The following APC variants were observed in gnomAD, a reference collection of about 807,000 sequenced individuals.
APC encodes the protein APC regulator of Wnt signaling pathway.
APC carries 72 observed loss-of-function variants against 247.0 expected under a neutral mutation model. The ratio of observed to expected loss-of-function variants is 0.29; its 90% CI spans 0.24 to 0.35. APC has a LOEUF of 0.35. Ranked by LOEUF, APC falls within the 10% of genes least tolerant of loss-of-function variation. The pLI, the probability that APC is intolerant of heterozygous loss-of-function variation, is 1.00. For synonymous variants in APC, 1,254 were observed against 1,162.5 expected (o/e 1.08, Z -1.60); for missense variants, 3,400 against 3,360.7 (o/e 1.01, Z -0.29).
intron 11 of APC, chr5:112,823,343 T>C (rs1166421045): frequency 6.6e-6 from 1 of 152,650 alleles, no homozygotes; most frequent in Non-Finnish European, 1.5e-5. Context: ...TCACAGGAGC[T>C]AGGGCAGGGG....
At chr5:112,826,058 A>G (rs1359846262) in intron 11 of APC, among the ~76,000 whole-genome samples, 1 of 152,212 alleles carries the variant, frequency 6.6e-6, no homozygotes, top group African/African-American at 2.4e-5. Context: ...CCTACATTTA[A>G]ATCCCTTGGC....
intron 7 of APC, among the ~76,000 whole-genome samples, chr5:112,793,360 T>C (rs957254500): frequency 6.6e-5 from 10 of 152,144 alleles, no homozygotes; most frequent in African/African-American, 1.9e-4. Context: ...TCCAGGCTTA[T>C]AATCTCCAGG....
chr5:112,769,194 G>A (rs1254918762), intron 4 of APC, among the ~76,000 whole-genome samples: 1 of 151,182 alleles, frequency 6.6e-6, no homozygotes, highest in Non-Finnish European at 1.5e-5. Context: ...GGGATTACAG[G>A]CACGCCCCAC....
At chr5:112,737,088 T>G (rs956107766), upstream of APC, among the ~76,000 whole-genome samples, 1 of 152,204 alleles carries the variant, frequency 6.6e-6, no homozygotes, top group African/African-American at 2.4e-5. Flanking sequence ...CTGGTTCGAT[T>G]TAAATGCAAT....
At chr5:112,749,619 C>G (rs1754085246) in intron 1 of APC, among the ~76,000 whole-genome samples, 2 of 151,672 alleles carry the variant, frequency 1.3e-5, no homozygotes, top group African/African-American at 4.8e-5. Context: ...TCCGGAGGCG[C>G]TGGGACTACA....
intron 5 of APC, chr5:112,778,553 T>C (rs1757953347): frequency 6.6e-6 from 1 of 151,098 alleles, no homozygotes; most frequent in Non-Finnish European, 1.5e-5. Context: ...GTAACTTATT[T>C]TTTTTTTTTT....
At chr5:112,759,780 C>G (rs1755445296) in intron 2 of APC, among the ~76,000 whole-genome samples, 1 of 152,198 alleles carries the variant, frequency 6.6e-6, no homozygotes, top group Non-Finnish European at 1.5e-5. Context: ...AATATTCTCT[C>G]CTTCAAAATT....
rs1048019077 is a variant in APC, at chr5:112,750,653, C to T, written c.-18-4220C>T. Reference sequence around the variant, plus strand: ...CATTTGTTTGAAGTACCCTAAGAATCTCCTTTATTACTCCTAGTCTAGTAA... The same window carrying T: ...CATTTGTTTGAAGTACCCTAAGAATTTCCTTTATTACTCCTAGTCTAGTAA... On this transcript the variant is annotated intron_variant, in intron 1 of 15. Coordinates refer to ENST00000257430, the MANE Select transcript of APC (RefSeq NM_000038.6). Among the ~76,000 whole-genome samples the T allele has an allele frequency of 2.6e-5, 4 of 152,116 alleles. No individual in the cohort carries two copies. In the East Asian group the frequency reaches 5.8e-4, roughly 22 times the overall value.
chr5:112,731,439 A>T (rs1235534608), intron 1 of APC, among the ~76,000 whole-genome samples: 1 of 152,330 alleles, frequency 6.6e-6, no homozygotes, highest in East Asian at 1.9e-4. Context: ...GAGGAAGGAC[A>T]GGAGACGGCC....
At chr5:112,831,196 A>G (rs918729975) in intron 14 of APC, among the ~76,000 whole-genome samples, 1 of 151,794 alleles carries the variant, frequency 6.6e-6, no homozygotes, top group African/African-American at 2.4e-5. Flanking sequence ...GCAACCTCCA[A>G]CTCCCTGGTT....
At position 112,840,966 on chromosome 5, in the gene APC, A is replaced by G. The variant is rs775740112; in HGVS notation, c.5372A>G (p.Lys1791Arg). 1.2e-6 allele frequency: 2 copies of G among 1,613,194 alleles called. No individual in the cohort carries two copies. Among genetic ancestry groups the G allele is most frequent in the Admixed American group, 3.3e-5 (2 of 59,836 alleles). Residue 1791 changes from lysine (K) to arginine (R), a missense_variant, in exon 16 of 16, where the codon AAA becomes AGA. Transcript: ENST00000257430. This position sits in a 1 kb window ranked among gnomAD's most constrained non-coding sequence, Gnocchi z 4.1. ...ACTGAATATAGGACACGTGTAAGAA[A>G]AAATGCAGACTCAAAAAATAATTTA... Reference protein sequence around the residue: ...QNTEYRTRVRKNADSKNNLNA... With the variant: ...QNTEYRTRVRRNADSKNNLNA...
intron 8 of APC, among the ~76,000 whole-genome samples, chr5:112,807,853 CTT>C (rs1761571680): frequency 6.6e-6 from 1 of 152,078 alleles, no homozygotes; most frequent in African/African-American, 2.4e-5. Flanking sequence ...GATAAAAGTA[CTT>C]ATTAAAAATA....
intron 1 of APC, among the ~76,000 whole-genome samples, chr5:112,722,216 A>T (rs1420336177): frequency 6.6e-6 from 1 of 152,208 alleles, no homozygotes; most frequent in Non-Finnish European, 1.5e-5. Flanking sequence ...AGTAGTACTA[A>T]AGTAATACAC....
intron 1 of APC, among the ~76,000 whole-genome samples, chr5:112,713,461 C>T (rs758319567): frequency 3.9e-5 from 6 of 152,168 alleles, no homozygotes; most frequent in Admixed American, 6.5e-5. Context: ...CCTGGCGTGC[C>T]GCTGCTTTAA....
Position 112,843,857 on chromosome 5 carries a change from T to A in APC, c.8263T>A (p.Ser2755Thr), listed in dbSNP as rs2150002125. 1 of 1,614,006 alleles carries A rather than the reference T, an allele frequency of 6.2e-7. No homozygotes were observed. The highest frequency in any genetic ancestry group is 8.5e-7 in the Non-Finnish European group (1 of 1,179,926). The change falls in exon 16 of 16, where the codon TCT (serine) becomes ACT (threonine). Residue 2755 changes from serine to threonine, a missense_variant. Physicochemically the swap from Ser to Thr is moderately conservative, Grantham distance 58 (BLOSUM62 1). Around this residue, in one of 9 missense-constraint regions of APC, gnomAD observed 1,788 missense variants for 1,649.5 expected, o/e 1.08. Transcript: ENST00000257430. The surrounding 1 kb of genome is among the most constrained non-coding windows in gnomAD (Gnocchi z 4.8). ...PVPVSETNES[S>T]IVERTPFSSS... ...CCCTGTATCAGAGACTAATGAAAGT[T>A]CTATAGTGGAACGTACCCCATTCAG...
chr5:112,761,089 G>A lies in APC; in HGVS notation c.136-5237G>A, dbSNP rs184164944. 5.3e-3 allele frequency among the ~76,000 whole-genome samples: 811 copies of A among 152,268 alleles called. 4 individuals carry two copies. Among genetic ancestry groups the A allele is most frequent in the Non-Finnish European group, 8.6e-3 (584 of 68,028 alleles). On this transcript the variant is annotated intron_variant, in intron 2 of 15. Transcript: ENST00000257430. ...CTCCCAAAGTGCTGAGATTACAGGT[G>A]TGAGCCACCACCCCCAGCGGGTCCC...
rs587780546 is a variant in APC, at chr5:112,841,943, C to G, written c.6349C>G (p.Gln2117Glu). The G allele has an allele frequency of 1.2e-6, 2 of 1,613,738 alleles. No homozygotes were observed. Among genetic ancestry groups the G allele is most frequent in the African/African-American group, 2.7e-5 (2 of 74,910 alleles). Residue 2117 changes from glutamine to glutamate, a missense_variant, in exon 16 of 16, where the codon CAA becomes GAA. Gln to Glu is a conservative substitution (Grantham distance 29). Transcript: ENST00000257430. The surrounding 1 kb of genome is among the most constrained non-coding windows in gnomAD (Gnocchi z 4.6). ...AAATTCCATAGTAAGTAGTTTACATCAAGCTGCTGCTGCTGCATGTTTATC... is the reference window on the plus strand; with the variant it reads ...AAATTCCATAGTAAGTAGTTTACATGAAGCTGCTGCTGCTGCATGTTTATC... ...GANSIVSSLH[Q>E]AAAAACLSRQ...
At position 112,838,611 on chromosome 5, in the gene APC, A is replaced by G; in HGVS notation, c.3017A>G (p.His1006Arg). ...GGTCAATACCCAGCCGACCTAGCCC[A>G]TAAAATACATAGTGCAAATCATATG... ...SYGQYPADLA[H>R]KIHSANHMDD... is the part of the protein sequence containing the mutation. The change falls in exon 16 of 16, where the codon CAT becomes CGT. Residue 1006 changes from histidine to arginine, a missense_variant. Coordinates refer to ENST00000257430, the MANE Select transcript of APC (RefSeq NM_000038.6). The G allele has an allele frequency of 1.9e-6, 3 of 1,614,198 alleles. No individual in the cohort carries two copies. Among genetic ancestry groups the G allele is most frequent in the South Asian group, 2.2e-5 (2 of 91,088 alleles).
At chr5:112,737,050 C>T (rs1752435307), upstream of APC, among the ~76,000 whole-genome samples, 1 of 152,094 alleles carries the variant, frequency 6.6e-6, no homozygotes, top group Non-Finnish European at 1.5e-5. Context: ...GTCCTTCAAC[C>T]TCATAAAATT....
Sources: gnomAD v4.1 joint callset for allele counts (sites outside exome capture counted in the v4.1 genomes callset) on GRCh38, gnomAD v4.1.1 for gene constraint, gnomAD v4.1.1 regional missense constraint, Gnocchi (gnomAD v3.1) non-coding constraint, MANE v1.5 for transcripts, NCBI Gene and HGNC (gene_info 2026-07-23, HGNC 2026-07-21) for gene names.